Variants in SLC25A13 observed in about 807,000 individuals in gnomAD.
The protein encoded by SLC25A13 is solute carrier family 25 member 13.
SLC25A13 carries 70 observed loss-of-function variants against 85.5 expected under a neutral mutation model. The observed-to-expected ratio is 0.82, with a 90% CI of 0.68 to 1.00. The LOEUF is 1.00. Ranked by LOEUF, SLC25A13 falls within the 50% of genes least tolerant of loss-of-function variation. SLC25A13 has a pLI of 0.00. For missense variants in SLC25A13, 765 were observed against 819.8 expected, an observed-to-expected ratio of 0.93 and a Z score of 0.82; for synonymous variants, 259 against 288.7, an observed-to-expected ratio of 0.90 and a Z score of 1.04.
chr7:96,268,597 A>G (rs1024384575), intron 3 of SLC25A13, among the ~76,000 whole-genome samples: 27 of 152,180 alleles, frequency 1.8e-4, no homozygotes, highest in Non-Finnish European at 3.7e-4. Context: ...TAAGTAGATT[A>G]AAACAGTGGA....
rs148160854 is a variant in SLC25A13, at chr7:96,193,872, T to C, written c.469-689A>G. On this transcript the variant is annotated intron_variant, in intron 5 of 17. Coordinates refer to ENST00000265631, the MANE Select transcript of SLC25A13 (RefSeq NM_014251.3). ...TACTGCTCTAAGTAGTTGCATGGTA[T>C]GTGGATCAGGGGAGGTAAACCTGTC... 1.4e-4 allele frequency among the ~76,000 whole-genome samples: 22 copies of C among 152,320 alleles called. No homozygotes were observed. In the East Asian group the frequency reaches 4.1e-3, roughly 28 times the overall value.
chr7:96,164,711 TAC>T (rs56377235), intron 13 of SLC25A13, among the ~76,000 whole-genome samples: 3,627 of 142,828 alleles, frequency 0.025, 63 homozygotes, highest in African/African-American at 0.045. Context: ...GGATTAACTT[TAC>T]ACACACACAC....
chr7:96,127,872 C>A (rs1791792315), intron 15 of SLC25A13, among the ~76,000 whole-genome samples: 1 of 152,180 alleles, frequency 6.6e-6, no homozygotes, highest in Admixed American at 6.5e-5. Flanking sequence ...TCTCTGAATA[C>A]CATGTATCCT....
intron 11 of SLC25A13, among the ~76,000 whole-genome samples, chr7:96,172,361 C>CAGCCT (rs1794038267): frequency 6.6e-6 from 1 of 152,022 alleles, no homozygotes; most frequent in African/African-American, 2.4e-5. Flanking sequence ...AGTTCGAGAC[C>CAGCCT]AGCCTGACCA....
At position 96,131,861 on chromosome 7, in the gene SLC25A13, C is replaced by A; in HGVS notation, c.1473G>T (p.Leu491=). 6.2e-7 allele frequency: 1 copy of A among 1,613,976 alleles called. No homozygotes were observed. Among genetic ancestry groups the A allele is most frequent in the Non-Finnish European group, 8.5e-7 (1 of 1,179,958 alleles). ...GIYKGAKACF[L]RDIPFSAIYF... ...AGATGGCCGAGAAAGGAATGTCCCG[C>A]AGAAAGCATGCTTTGGCACCCTGCA... Residue 491 remains leucine, a synonymous_variant, in exon 15 of 18, where the codon CTG becomes CTT. Coordinates refer to ENST00000265631, the MANE Select transcript of SLC25A13 (RefSeq NM_014251.3).
At chr7:96,289,123 C>T (rs553971662) in intron 2 of SLC25A13, among the ~76,000 whole-genome samples, 3 of 152,322 alleles carry the variant, frequency 2.0e-5, no homozygotes, top group East Asian at 1.9e-4. Flanking sequence ...CTGCAGCCTC[C>T]GCTGCTGATA....
At chr7:96,284,251 GATAA>G (rs1373837887) in intron 2 of SLC25A13, among the ~76,000 whole-genome samples, 3 of 152,040 alleles carry the variant, frequency 2.0e-5, no homozygotes, top group Non-Finnish European at 4.4e-5. Context: ...TAGACTGAGA[GATAA>G]ATAAATATAT....
At chr7:96,250,349 T>G (rs1797368070) in intron 3 of SLC25A13, among the ~76,000 whole-genome samples, 1 of 152,176 alleles carries the variant, frequency 6.6e-6, no homozygotes, top group African/African-American at 2.4e-5. Flanking sequence ...AAAGTTATAT[T>G]CTAAATAACT....
intron 3 of SLC25A13, among the ~76,000 whole-genome samples, chr7:96,268,671 C>T (rs763331343): frequency 1.3e-5 from 2 of 152,140 alleles, no homozygotes; most frequent in South Asian, 2.1e-4. Flanking sequence ...ACAGGCAAAT[C>T]GTGCCAATCC....
At chr7:96,172,538 T>C (rs557308062) in intron 11 of SLC25A13, among the ~76,000 whole-genome samples, 1 of 150,724 alleles carries the variant, frequency 6.6e-6, no homozygotes, top group East Asian at 2.0e-4. Context: ...AGCCCGGCAA[T>C]GGAGCGAGAC....
chr7:96,319,745 T>C (rs532477621), intron 1 of SLC25A13, among the ~76,000 whole-genome samples: 2 of 152,254 alleles, frequency 1.3e-5, no homozygotes, highest in African/African-American at 4.8e-5. Flanking sequence ...CTACTTGGAA[T>C]TGATTTTTAT....
At chr7:96,271,540 A>G (rs929652831) in intron 3 of SLC25A13, among the ~76,000 whole-genome samples, 1 of 152,222 alleles carries the variant, frequency 6.6e-6, no homozygotes, top group Non-Finnish European at 1.5e-5. Flanking sequence ...GGCAGCTCAG[A>G]ACACTGAAAA....
In SLC25A13 at chr7:96,166,758, T is replaced by C. The variant is rs567769733; in HGVS notation, c.1311+3287A>G. Among the ~76,000 whole-genome samples, 11 of 152,288 alleles carry C rather than the reference T, an allele frequency of 7.2e-5. No individual in the cohort carries two copies. In the South Asian group the frequency reaches 1.7e-3, roughly 23 times the overall value. On this transcript the variant is annotated intron_variant, in intron 13 of 17. Coordinates refer to ENST00000265631, the MANE Select transcript of SLC25A13 (RefSeq NM_014251.3). ...GGTAATACATCAATTTTCAGAATCA[T>C]TGGGAACCTAACTGGAAGTGGCTAG... is the stretch of plus-strand genomic sequence containing the variant.
At chr7:96,128,479 A>G (rs557544787) in intron 15 of SLC25A13, among the ~76,000 whole-genome samples, 1 of 152,308 alleles carries the variant, frequency 6.6e-6, no homozygotes, top group African/African-American at 2.4e-5. Context: ...AGTTTTGTAG[A>G]ATACACAAAG....
chr7:96,290,700 A>T (rs1236914463), intron 2 of SLC25A13, among the ~76,000 whole-genome samples: 2 of 152,222 alleles, frequency 1.3e-5, no homozygotes, highest in Non-Finnish European at 2.9e-5. Context: ...ACATAATGGT[A>T]AAGGGATCAA....
intron 2 of SLC25A13, among the ~76,000 whole-genome samples, chr7:96,282,172 T>C (rs1402872436): frequency 6.6e-6 from 1 of 152,128 alleles, no homozygotes; most frequent in East Asian, 1.9e-4. Flanking sequence ...GGATTCCTCA[T>C]GCAACCTTGT....
chr7:96,140,753 G>GTTTTTTT (rs61262981), intron 14 of SLC25A13, among the ~76,000 whole-genome samples: 1 of 125,222 alleles, frequency 8.0e-6, no homozygotes. Flanking sequence ...CTTATCTTTT[G>GTTTTTTT]TTTTTTTTTT....
intron 9 of SLC25A13, among the ~76,000 whole-genome samples, chr7:96,187,589 G>C (rs1794687301): frequency 6.6e-6 from 1 of 152,134 alleles, no homozygotes; most frequent in African/African-American, 2.4e-5. Flanking sequence ...AAAATAATGA[G>C]TGAAAATACT....
intron 3 of SLC25A13, among the ~76,000 whole-genome samples, chr7:96,267,161 T>C (rs894680922): frequency 3.3e-5 from 5 of 152,188 alleles, no homozygotes; most frequent in Non-Finnish European, 5.9e-5. Flanking sequence ...TTTAAATATA[T>C]TACCCTAATA....
Sources: gnomAD v4.1 joint callset for allele counts (sites outside exome capture counted in the v4.1 genomes callset) on GRCh38, gnomAD v4.1.1 for gene constraint, MANE v1.5 for transcripts, NCBI Gene and HGNC (gene_info 2026-07-23, HGNC 2026-07-21) for gene names.